The following BRINP3 variants were observed in gnomAD, a reference collection of about 807,000 sequenced individuals.
BRINP3 encodes BMP/retinoic acid-inducible neural-specific protein 3.
In BRINP3, 19 loss-of-function variants were observed where a neutral mutation model predicts 71.0. The ratio of observed to expected loss-of-function variants is 0.27; its 90% confidence interval spans 0.19 to 0.39. The LOEUF is 0.39. BRINP3 is among the 10% of genes least tolerant of loss of function. The probability of loss-of-function intolerance (pLI) is 1.00; values close to 1 mark genes in which losing one functional copy is unlikely to be tolerated. For synonymous variants in BRINP3, 380 were observed against 337.7 expected (o/e 1.13, Z -1.37); for missense variants, 959 against 940.8 (o/e 1.02, Z -0.25).
chr1:190,235,301 T>C (rs1298357654), intron 4 of BRINP3, among the ~76,000 whole-genome samples: 1 of 152,024 alleles, frequency 6.6e-6, no homozygotes, highest in East Asian at 1.9e-4. Flanking sequence ...TATTAGGAGA[T>C]GAGGAGACTA....
chr1:190,412,394 A>G (rs201203639), intron 2 of BRINP3, among the ~76,000 whole-genome samples: 2,546 of 65,774 alleles, frequency 0.039, 73 homozygotes, highest in African/African-American at 0.1. Flanking sequence ...ATATATATAT[A>G]TTATATATAT....
intron 4 of BRINP3, among the ~76,000 whole-genome samples, chr1:190,254,617 T>G (rs1660477762): frequency 6.6e-6 from 1 of 152,206 alleles, no homozygotes; most frequent in Non-Finnish European, 1.5e-5. Flanking sequence ...TTTTGCACAT[T>G]GATTTTGTAT....
chr1:190,205,657 T>A (rs1655431322), intron 6 of BRINP3, among the ~76,000 whole-genome samples: 1 of 152,046 alleles, frequency 6.6e-6, no homozygotes, highest in Admixed American at 6.6e-5. Flanking sequence ...AATTTCAGAT[T>A]CATGTTTACT....
At chr1:190,270,502 A>G (rs1428107173) in intron 3 of BRINP3, among the ~76,000 whole-genome samples, 1 of 151,770 alleles carries the variant, frequency 6.6e-6, no homozygotes, top group East Asian at 1.9e-4. Context: ...TCTGAAGACG[A>G]ATAAAGGTAC....
chr1:190,341,562 C>A (rs575292467), intron 2 of BRINP3, among the ~76,000 whole-genome samples: 1 of 151,586 alleles, frequency 6.6e-6, no homozygotes, highest in Non-Finnish European at 1.5e-5. Flanking sequence ...CAACAAAAAA[C>A]GTGATCTATG....
intron 7 of BRINP3, among the ~76,000 whole-genome samples, chr1:190,156,511 C>A: frequency 8.0e-6 from 1 of 124,720 alleles, no homozygotes; most frequent in East Asian, 2.2e-4. Flanking sequence ...GAATCCAGTA[C>A]ATATTTTTTT....
At chr1:190,426,719 C>T (rs948629825) in intron 2 of BRINP3, among the ~76,000 whole-genome samples, 1 of 151,680 alleles carries the variant, frequency 6.6e-6, no homozygotes, top group Non-Finnish European at 1.5e-5. Context: ...TTTGTTTCCT[C>T]ATAGTTTTCA....
intron 3 of BRINP3, among the ~76,000 whole-genome samples, chr1:190,275,245 A>T (rs2102912442): frequency 6.6e-6 from 1 of 151,794 alleles, no homozygotes; most frequent in East Asian, 1.9e-4. Context: ...TGATATAACA[A>T]GATTTTCTAA....
intron 2 of BRINP3, among the ~76,000 whole-genome samples, chr1:190,434,370 A>G (rs1175681731): frequency 6.6e-6 from 1 of 152,012 alleles, no homozygotes; most frequent in Non-Finnish European, 1.5e-5. Flanking sequence ...TTGGCTTCCC[A>G]AGGTGCTAAG....
chr1:190,165,941 T>A (rs12076854), intron 6 of BRINP3, among the ~76,000 whole-genome samples: 24,308 of 152,032 alleles, frequency 0.16, 3,150 homozygotes, highest in African/African-American at 0.34. Context: ...ATTTTGACCC[T>A]CGCTATAACC....
chr1:190,211,018 G>A (rs1210396100), intron 6 of BRINP3, among the ~76,000 whole-genome samples: 1 of 152,022 alleles, frequency 6.6e-6, no homozygotes. Context: ...TTTGCCAGGG[G>A]CTCTCGGGCC....
intron 2 of BRINP3, among the ~76,000 whole-genome samples, chr1:190,299,195 T>A (rs1026103537): frequency 1.4e-4 from 21 of 152,116 alleles, no homozygotes; most frequent in African/African-American, 5.1e-4. Context: ...TATTGTTATA[T>A]TTGAAGTGTG....
At chr1:190,202,908 A>G (rs2102618372) in intron 6 of BRINP3, among the ~76,000 whole-genome samples, 1 of 152,218 alleles carries the variant, frequency 6.6e-6, no homozygotes, top group East Asian at 1.9e-4. Flanking sequence ...AATACAGAAG[A>G]TTAGTTAACC....
At chr1:190,116,983 A>G (rs1393491226) in intron 7 of BRINP3, among the ~76,000 whole-genome samples, 1 of 152,074 alleles carries the variant, frequency 6.6e-6, no homozygotes, top group Non-Finnish European at 1.5e-5. Flanking sequence ...ATCAAGTTAC[A>G]GTTGGTGAAA....
At chr1:190,338,968 T>C (rs1393186405) in intron 2 of BRINP3, among the ~76,000 whole-genome samples, 2 of 151,318 alleles carry the variant, frequency 1.3e-5, no homozygotes, top group African/African-American at 4.9e-5. Context: ...AAAGTTTGCT[T>C]TTCCCCCACA....
chr1:190,290,844 A>G (rs536053914), intron 2 of BRINP3, among the ~76,000 whole-genome samples: 8 of 152,034 alleles, frequency 5.3e-5, no homozygotes, highest in African/African-American at 1.9e-4. Context: ...GATTGATAGC[A>G]ACTTTGATTG....
intron 2 of BRINP3, among the ~76,000 whole-genome samples, chr1:190,349,349 GAGTC>G (rs1425154853): frequency 6.6e-6 from 1 of 152,070 alleles, no homozygotes; most frequent in African/African-American, 2.4e-5. Context: ...AGTGGAGAGT[GAGTC>G]AGTAGGGAAG....
At chr1:190,398,626 A>G (rs1671733585) in intron 2 of BRINP3, among the ~76,000 whole-genome samples, 1 of 152,052 alleles carries the variant, frequency 6.6e-6, no homozygotes, top group African/African-American at 2.4e-5. Flanking sequence ...TTTTCTCTAA[A>G]AATCTCCTGA....
chr1:190,273,881 T>A (rs1447354818), intron 3 of BRINP3, among the ~76,000 whole-genome samples: 1 of 151,640 alleles, frequency 6.6e-6, no homozygotes, highest in Non-Finnish European at 1.5e-5. Context: ...GATTATTTTG[T>A]TCTTTGCAAC....
Sources: gnomAD v4.1 joint callset for allele counts (sites outside exome capture counted in the v4.1 genomes callset) on GRCh38, gnomAD v4.1.1 for gene constraint, MANE v1.5 for transcripts, NCBI Gene and HGNC (gene_info 2026-07-23, HGNC 2026-07-21) for gene names.